RBP2: variants seen among roughly 807,000 people sequenced by gnomAD.
RBP2 encodes retinol-binding protein 2.
RBP2 carries 17 observed loss-of-function variants against 17.0 expected under a neutral mutation model. The observed-to-expected ratio is 1.00, with a 90% CI of 0.68 to 1.50. RBP2 has a LOEUF of 1.50. Among genes scored for constraint, RBP2 ranks in the 40% most tolerant of loss-of-function variants. The pLI is 0.00. For missense variants in RBP2, 158 were observed against 168.2 expected (o/e 0.94, Z 0.33); for synonymous variants, 48 against 57.1 (o/e 0.84, Z 0.72).
Position 139,462,245 on chromosome 3 carries a change from G to A in RBP2, c.119C>T (p.Thr40Met), listed in dbSNP as rs376845118. 84 of 1,614,082 alleles carry A rather than the reference G, an allele frequency of 5.2e-5. No homozygotes were observed. Among genetic ancestry groups the A allele is most frequent in the South Asian group, 3.0e-4 (27 of 91,076 alleles). Reference protein sequence around the residue: ...TRKIAVRLTQTKVIDQDGDNF... With the variant: ...TRKIAVRLTQMKVIDQDGDNF... Reference sequence around the variant, plus strand: ...ATCACCATCTTGATCAATAACCTTCGTCTGAGTGAGACGTACTGCAATCTT... The same window carrying A: ...ATCACCATCTTGATCAATAACCTTCATCTGAGTGAGACGTACTGCAATCTT... Residue 40 changes from threonine (T) to methionine (M), a missense_variant, in exon 2 of 4, where the codon ACG becomes ATG. Physicochemically the swap from Thr to Met is moderately conservative, Grantham distance 81. Coordinates refer to ENST00000232217, the MANE Select transcript of RBP2 (RefSeq NM_004164.3).
At chr3:139,460,652 G>A (rs373967379) in intron 2 of RBP2, among the ~76,000 whole-genome samples, 101 of 152,238 alleles carry the variant, frequency 6.6e-4, no homozygotes, top group African/African-American at 2.4e-3. Context: ...AGAGTCTCTG[G>A]GTAGTGGCCT....
At chr3:139,464,275 C>CATGG (rs1933288969) in intron 1 of RBP2, among the ~76,000 whole-genome samples, 2 of 152,172 alleles carry the variant, frequency 1.3e-5, no homozygotes, top group South Asian at 4.1e-4. Context: ...GCCTGGCCAA[C>CATGG]ATGGTGAAAC....
rs760641340 is a variant in RBP2 at position 139,462,098 on chromosome 3, GC to G, written c.252+13del. Reference sequence around the variant, plus strand: ...CAGAATGTGTGAATGAAAAACACCAGCCCCGGTCAGTACCTTAACATGCCGG... The same window carrying G: ...CAGAATGTGTGAATGAAAAACACCAGCCCGGTCAGTACCTTAACATGCCGG... On this transcript the variant is annotated intron_variant, in intron 2 of 3. Transcript: ENST00000232217. 1.2e-6 allele frequency: 2 copies of G among 1,610,928 alleles called. No individual in the cohort carries two copies. The highest frequency in any genetic ancestry group is 4.5e-5 in the East Asian group (2 of 44,810).
intron 1 of RBP2, among the ~76,000 whole-genome samples, chr3:139,472,404 T>TGCAG (rs1419185395): frequency 6.6e-6 from 1 of 152,274 alleles, no homozygotes; most frequent in Non-Finnish European, 1.5e-5. Flanking sequence ...TTTCCTTGAA[T>TGCAG]GCAGGCAGGC....
intron 1 of RBP2, among the ~76,000 whole-genome samples, chr3:139,469,240 C>T (rs1933467332): frequency 1.3e-5 from 2 of 152,174 alleles, no homozygotes. Flanking sequence ...ACAATTTTCT[C>T]CTTTTTTCCA....
Position 139,459,182 on chromosome 3 carries a change from C to T in RBP2, c.252+2930G>A, listed in dbSNP as rs1933093864. On this transcript the variant is annotated intron_variant, in intron 2 of 3. Coordinates refer to ENST00000232217, the MANE Select transcript of RBP2 (RefSeq NM_004164.3). ...AATAGCATGAGGAGTACCACACACACTCTCACACTCACACATCCTCACACT... is the reference window on the plus strand; with the variant it reads ...AATAGCATGAGGAGTACCACACACATTCTCACACTCACACATCCTCACACT... Among the ~76,000 whole-genome samples the T allele has an allele frequency of 2.0e-5, 3 of 152,096 alleles. No homozygotes were observed. In the South Asian group the frequency reaches 6.2e-4, roughly 32 times the overall value.
At position 139,455,445 on chromosome 3, in the gene RBP2, C is replaced by T. The variant is rs188620471; in HGVS notation, c.253-615G>A. 1.1e-3 allele frequency among the ~76,000 whole-genome samples: 164 copies of T among 152,182 alleles called. 1 individual carries two copies. The highest frequency in any genetic ancestry group is 1.9e-3 in the African/African-American group (79 of 41,512). The stretch of plus-strand genomic sequence containing the variant: ...TACAATTCATCATATGGTCAAAGAT[C>T]AAAGAGTTTGATAATACACTGAATT... On this transcript the variant is annotated intron_variant, in intron 2 of 3. Coordinates refer to ENST00000232217, the MANE Select transcript of RBP2 (RefSeq NM_004164.3).
intron 1 of RBP2, among the ~76,000 whole-genome samples, chr3:139,473,449 C>T (rs150562367): frequency 2.6e-5 from 4 of 152,310 alleles, no homozygotes; most frequent in Non-Finnish European, 5.9e-5. Flanking sequence ...AAAGCAAACT[C>T]TCTAGTGCTA....
chr3:139,460,031 G>A (rs1933135366), intron 2 of RBP2, among the ~76,000 whole-genome samples: 4 of 152,150 alleles, frequency 2.6e-5, no homozygotes, highest in Admixed American at 2.0e-4. Context: ...CTGGAAGGGT[G>A]ATTTATTTTA....
intron 1 of RBP2, among the ~76,000 whole-genome samples, chr3:139,468,553 A>C (rs1285153039): frequency 6.6e-6 from 1 of 152,094 alleles, no homozygotes; most frequent in Non-Finnish European, 1.5e-5. Flanking sequence ...CCAGTAAATC[A>C]TGTTGCCTCT....
At chr3:139,468,803 A>G (rs1183885630) in intron 1 of RBP2, among the ~76,000 whole-genome samples, 1 of 152,188 alleles carries the variant, frequency 6.6e-6, no homozygotes, top group Non-Finnish European at 1.5e-5. Flanking sequence ...GATTAAGGGT[A>G]TCTCTGAGTC....
intron 3 of RBP2, among the ~76,000 whole-genome samples, chr3:139,453,750 A>G (rs1943350036): frequency 6.6e-6 from 1 of 152,246 alleles, no homozygotes; most frequent in African/African-American, 2.4e-5. Context: ...AGGGAAAAAC[A>G]TGAGTGTGGG....
rs60978691 is a variant in RBP2, at chr3:139,454,660, C to A, written c.354+69G>T. 7.1e-4 allele frequency: 1,058 copies of A among 1,485,264 alleles called. 6 individuals carry two copies. In the African/African-American group the frequency reaches 0.013, roughly 18 times the overall value. The allele number at this position is 1,485,264 out of a possible 1,614,324, so 92.0% of individuals were successfully genotyped here. On this transcript the variant is annotated intron_variant, in intron 3 of 3. Transcript: ENST00000232217. Reference sequence around the variant, plus strand: ...CAGGGCCATTTTTCTTGTCAAAACACCTGGCTAGGTGACCACAGTAGCGTG... The same window carrying A: ...CAGGGCCATTTTTCTTGTCAAAACAACTGGCTAGGTGACCACAGTAGCGTG...
At chr3:139,467,010 C>G (rs1933389959) in intron 1 of RBP2, among the ~76,000 whole-genome samples, 1 of 152,160 alleles carries the variant, frequency 6.6e-6, no homozygotes, top group Non-Finnish European at 1.5e-5. Context: ...TAGCATTTCC[C>G]CCTGCATTTT....
At chr3:139,476,251 C>A (rs1331542959) in intron 1 of RBP2, 136 bp downstream of exon 1, 3 of 651,754 alleles carry the variant, frequency 4.6e-6, no homozygotes, top group Non-Finnish European at 8.2e-6. Flanking sequence ...TATGATCTGC[C>A]TAATATTGCA....
rs1943341027 is a variant in RBP2 at position 139,453,149 on chromosome 3, G to C, written c.372C>G (p.Asp124Glu). The C allele has an allele frequency of 6.2e-7, 1 of 1,614,136 alleles. No individual in the cohort carries two copies. Among genetic ancestry groups the C allele is most frequent in the Non-Finnish European group, 8.5e-7 (1 of 1,180,016 alleles). ...TTTTGAACACTTGACGGCACACCTG[G>C]TCACCACAGGTCAGCTCCTGCAACG... The part of the protein sequence containing the change: ...DKLYLELTCG[D>E]QVCRQVFKKK Residue 124 changes from aspartate to glutamate, a missense_variant, in exon 4 of 4, where the codon GAC (aspartate) becomes GAG (glutamate). Asp to Glu is a conservative substitution (Grantham distance 45). Coordinates refer to ENST00000232217, the MANE Select transcript of RBP2 (RefSeq NM_004164.3).
At chr3:139,457,868 A>C (rs774558613) in intron 2 of RBP2, among the ~76,000 whole-genome samples, 2 of 152,354 alleles carry the variant, frequency 1.3e-5, no homozygotes, top group East Asian at 3.9e-4. Flanking sequence ...GCTTTCCACT[A>C]TCACAGTTTC....
At chr3:139,459,398 A>ATGTGTGTGTGTGTG (rs201355065) in intron 2 of RBP2, among the ~76,000 whole-genome samples, 15 of 36,192 alleles carry the variant, frequency 4.1e-4, no homozygotes, top group Middle Eastern at 0.016. Context: ...TCTACTATAT[A>ATGTGTGTGTGTGTG]TATGTGTGTG....
chr3:139,470,066 A>G (rs924103274), intron 1 of RBP2, among the ~76,000 whole-genome samples: 2 of 152,168 alleles, frequency 1.3e-5, no homozygotes, highest in African/African-American at 2.4e-5. Flanking sequence ...CCTGAGCTCT[A>G]TATCCCATAT....
Sources: gnomAD v4.1 joint callset for allele counts (sites outside exome capture counted in the v4.1 genomes callset) on GRCh38, gnomAD v4.1.1 for gene constraint, MANE v1.5 for transcripts, NCBI Gene and HGNC (gene_info 2026-07-23, HGNC 2026-07-21) for gene names.